LRRC4C: variants seen among roughly 807,000 people sequenced by gnomAD.
LRRC4C encodes the protein leucine rich repeat containing 4C.
In LRRC4C, 5 loss-of-function variants were observed where a neutral mutation model predicts 33.6. The ratio of observed to expected loss-of-function variants is 0.15; its 90% confidence interval spans 0.08 to 0.31. The LOEUF (loss-of-function observed/expected upper bound fraction) is 0.31, where lower values mean the gene tolerates loss of function less well. Ranked by LOEUF, LRRC4C falls within the 10% of genes least tolerant of loss-of-function variation. LRRC4C has a pLI of 1.00. For synonymous variants in LRRC4C, 329 were observed against 302.0 expected (o/e 1.09, Z -0.93); for missense variants, 560 against 796.7 (o/e 0.70, Z 3.58).
chr11:41,149,301 C>T lies in LRRC4C; in HGVS notation c.-495-215578G>A, dbSNP rs866010659. Among the ~76,000 whole-genome samples, 102 of 151,846 alleles carry T rather than the reference C, an allele frequency of 6.7e-4. 1 individual carries two copies. In the South Asian group the frequency reaches 0.011, roughly 16 times the overall value. ...CGGGCGGATCACGAGGTCAGGAGAT[C>T]GAGACCATCCCGGCTAAAAAACGGT... is the stretch of plus-strand genomic sequence containing the variant. On this transcript the variant is annotated intron_variant, in intron 1 of 6. Transcript: ENST00000528697.
intron 5 of LRRC4C, among the ~76,000 whole-genome samples, chr11:40,214,115 CT>C (rs1863804701): frequency 2.6e-5 from 4 of 152,240 alleles, no homozygotes; most frequent in Admixed American, 2.0e-4. Flanking sequence ...ATCTTTGATG[CT>C]TACCTGCCAT....
rs916601221 is a variant in LRRC4C, at chr11:40,728,332, G to T, written c.-406-80054C>A. Among the ~76,000 whole-genome samples, 6 of 151,926 alleles carry T rather than the reference G, an allele frequency of 3.9e-5. No individual in the cohort carries two copies. The East Asian group carries it at 7.8e-4, about 20-fold the overall frequency. ...AGAAAAGAAATCATTTTGGCCGGGC[G>T]CAGTGGCTCAAGCCTGTAATCCCAG... On this transcript the variant is annotated intron_variant, in intron 2 of 6. Transcript: ENST00000528697.
rs77683172 is a variant in LRRC4C, at chr11:40,495,813, GTTTTTTTTTTTTTTTTTTT to G, written c.-270+152310_-270+152328del. Among the ~76,000 whole-genome samples, 78 of 67,010 alleles carry G rather than the reference GTTTTTTTTTTTTTTTTTTT, an allele frequency of 1.2e-3. 1 individual carries two copies. Among genetic ancestry groups the G allele is most frequent in the African/African-American group, 3.2e-3 (51 of 15,812 alleles). 44.0% of individuals were successfully genotyped at this position (67,010 alleles called of 152,430 possible). Reference sequence around the variant, plus strand: ...TTTTATTGAAGTTCTCAATAAACATGTTTTTTTTTTTTTTTTTTTTTTTTTTTTTTTTTTTTGAGAGAGT... The same window carrying G: ...TTTTATTGAAGTTCTCAATAAACATGTTTTTTTTTTTTTTTTTGAGAGAGT... On this transcript the variant is annotated intron_variant, in intron 3 of 6. Transcript: ENST00000528697.
chr11:40,470,047 C>T (rs1952850181), intron 3 of LRRC4C, among the ~76,000 whole-genome samples: 1 of 152,200 alleles, frequency 6.6e-6, no homozygotes, highest in African/African-American at 2.4e-5. Flanking sequence ...GGACAGACTG[C>T]CTCCTCAAGT....
At chr11:40,306,456 C>A (rs1945035490) in intron 4 of LRRC4C, among the ~76,000 whole-genome samples, 1 of 152,168 alleles carries the variant, frequency 6.6e-6, no homozygotes, top group Middle Eastern at 3.2e-3. Flanking sequence ...CCGATACACA[C>A]CCACACATTC....
intron 2 of LRRC4C, among the ~76,000 whole-genome samples, chr11:40,916,296 C>T (rs536323352): frequency 3.3e-5 from 5 of 152,194 alleles, no homozygotes; most frequent in Non-Finnish European, 5.9e-5. Context: ...TGGAACCAAC[C>T]CAAATATCCA....
chr11:41,438,439 A>G (rs1323216416), intron 1 of LRRC4C, among the ~76,000 whole-genome samples: 5 of 152,212 alleles, frequency 3.3e-5, no homozygotes, highest in Non-Finnish European at 7.3e-5. Context: ...AAACACTGAG[A>G]TGGTGACCTT....
chr11:41,325,577 T>TTTTTTTG (rs202169756), intron 1 of LRRC4C, among the ~76,000 whole-genome samples: 60 of 104,154 alleles, frequency 5.8e-4, no homozygotes, highest in Admixed American at 4.8e-3. Flanking sequence ...TTTTTTTTTT[T>TTTTTTTG]TGTGTGTGTG....
chr11:41,033,373 T>C (rs1237633161), intron 1 of LRRC4C, among the ~76,000 whole-genome samples: 2 of 147,498 alleles, frequency 1.4e-5, no homozygotes, highest in Non-Finnish European at 3.0e-5. Flanking sequence ...AACGGGTCAA[T>C]AAGGAAGGAA....
chr11:40,862,086 G>A (rs1341804001), intron 2 of LRRC4C, among the ~76,000 whole-genome samples: 1 of 152,136 alleles, frequency 6.6e-6, no homozygotes, highest in African/African-American at 2.4e-5. Context: ...TGGGAGGGTA[G>A]GGAAAAGAAG....
intron 1 of LRRC4C, among the ~76,000 whole-genome samples, chr11:41,326,962 C>T (rs1951140269): frequency 6.6e-6 from 1 of 152,128 alleles, no homozygotes; most frequent in African/African-American, 2.4e-5. Context: ...ATTACACTGT[C>T]AATCATAACA....
At chr11:41,166,355 T>A (rs1433906439) in intron 1 of LRRC4C, among the ~76,000 whole-genome samples, 1 of 152,164 alleles carries the variant, frequency 6.6e-6, no homozygotes, top group Non-Finnish European at 1.5e-5. Context: ...CTGGCAGAAA[T>A]ACTTTATTTT....
intron 1 of LRRC4C, among the ~76,000 whole-genome samples, chr11:41,349,539 C>G (rs537377170): frequency 6.0e-4 from 92 of 152,292 alleles, no homozygotes; most frequent in African/African-American, 2.1e-3. Context: ...AGCACACAGC[C>G]CAGGAATGCT....
chr11:40,602,211 GA>G (rs58437674), intron 3 of LRRC4C, among the ~76,000 whole-genome samples: 2 of 138,488 alleles, frequency 1.4e-5, no homozygotes, highest in African/African-American at 2.6e-5. Context: ...AAAAAAAAAA[GA>G]AAAAAAAAGA....
At chr11:40,752,312 C>T (rs1488068416) in intron 2 of LRRC4C, among the ~76,000 whole-genome samples, 2 of 151,886 alleles carry the variant, frequency 1.3e-5, no homozygotes, top group African/African-American at 4.8e-5. Flanking sequence ...AAAGAGATAA[C>T]CTACAGAATG....
intron 1 of LRRC4C, among the ~76,000 whole-genome samples, chr11:41,247,254 T>C: frequency 6.6e-6 from 1 of 152,246 alleles, no homozygotes; most frequent in East Asian, 1.9e-4. Context: ...TTGGCTTTAA[T>C]GTCCTCCTCC....
chr11:41,199,972 T>C (rs10768671), intron 1 of LRRC4C, among the ~76,000 whole-genome samples: 94,406 of 151,876 alleles, frequency 0.62, 31,983 homozygotes, highest in South Asian at 0.78. Context: ...ATCATACAGC[T>C]CGTGAGCCTA....
intron 2 of LRRC4C, among the ~76,000 whole-genome samples, chr11:40,754,438 GAACTATTT>G (rs1948842462): frequency 6.6e-6 from 1 of 152,052 alleles, no homozygotes; most frequent in Admixed American, 6.6e-5. Flanking sequence ...GACCTCTTAG[GAACTATTT>G]AGGCCCCTAA....
At chr11:40,900,975 G>T (rs1330829510) in intron 2 of LRRC4C, among the ~76,000 whole-genome samples, 1 of 151,996 alleles carries the variant, frequency 6.6e-6, no homozygotes, top group East Asian at 1.9e-4. Context: ...GGATGGTATG[G>T]TATTTGAAGG....
Sources: gnomAD v4.1 joint callset for allele counts (sites outside exome capture counted in the v4.1 genomes callset) on GRCh38, gnomAD v4.1.1 for gene constraint, MANE v1.5 for transcripts, NCBI Gene and HGNC (gene_info 2026-07-23, HGNC 2026-07-21) for gene names.